The following NAALADL1 variants were observed in gnomAD, a reference collection of about 807,000 sequenced individuals.
NAALADL1 encodes N-acetylated alpha-linked acidic dipeptidase like 1.
In NAALADL1, 77 loss-of-function variants were observed where a neutral mutation model predicts 82.8. The ratio of observed to expected loss-of-function variants is 0.93; its 90% CI spans 0.77 to 1.12. The LOEUF (loss-of-function observed/expected upper bound fraction) is 1.12. Among genes scored for constraint, NAALADL1 ranks in the 50% most tolerant of loss-of-function variants. The pLI, the probability that NAALADL1 is intolerant of heterozygous loss-of-function variation, is 0.00. For synonymous variants in NAALADL1, 358 were observed against 399.2 expected, an observed-to-expected ratio of 0.90 and a Z score of 1.23; for missense variants, 956 against 964.0, an observed-to-expected ratio of 0.99 and a Z score of 0.11.
In NAALADL1 at chr11:65,054,695, T is replaced by A. The variant is rs751812771; in HGVS notation, c.647A>T (p.Tyr216Phe). 1.2e-6 allele frequency: 2 copies of A among 1,614,090 alleles called. No individual in the cohort carries two copies. The highest frequency in any genetic ancestry group is 1.7e-6 in the Non-Finnish European group (2 of 1,180,020). The change falls in exon 5 of 18, where the codon TAC becomes TTC. Residue 216 changes from tyrosine (Y) to phenylalanine (F), a missense_variant. Physicochemically the swap from Tyr to Phe is conservative, Grantham distance 22. Transcript: ENST00000358658. The surrounding 1 kb of genome is among the most constrained non-coding windows in gnomAD (Gnocchi z 4.3). ...AKHGVAGVLV[Y>F]TDPADINDGL... ...ATCGTTGATGTCGGCAGGGTCTGTG[T>A]ACACCAGCACCCCAGCTACCCCGTG...
chr11:65,048,511 T>G (rs974836012), intron 8 of NAALADL1, 126 bp from the exon 9 acceptor site: 2 of 1,036,732 alleles, frequency 1.9e-6, no homozygotes, highest in African/African-American at 3.2e-5. Flanking sequence ...CAGGATGTCC[T>G]GGCACCCTGC....
rs372033630 is a variant in NAALADL1 at position 65,054,284 on chromosome 11, C to T, written c.958G>A (p.Gly320Ser). The change falls in exon 6 of 18, where the codon GGC becomes AGC. Residue 320 changes from glycine to serine, a missense_variant. Physicochemically the swap from Gly to Ser is moderately conservative, Grantham distance 56. Transcript: ENST00000358658. The surrounding 1 kb of genome is among the most constrained non-coding windows in gnomAD (Gnocchi z 4.3). ...GGGAAGTCTCCGTCAGGCCGGAAGCCGGGACCCAACCTGTAGTGGCAGCCC... is the reference window on the plus strand; with the variant it reads ...GGGAAGTCTCCGTCAGGCCGGAAGCTGGGACCCAACCTGTAGTGGCAGCCC... ...ALGCHYRLGP[G>S]FRPDGDFPAD... 21 of 1,613,966 alleles carry T rather than the reference C, an allele frequency of 1.3e-5. No homozygotes were observed. The highest frequency in any genetic ancestry group is 2.7e-5 in the African/African-American group (2 of 74,886).
rs10535126 is a variant in NAALADL1, at chr11:65,051,315, C to CTTTTTTTTTTTT, written c.1198+1891_1198+1902dup. On this transcript the variant is annotated intron_variant, in intron 8 of 17. Transcript: ENST00000358658. ...AAGTCTCTCTCTCCTTTCTTTCTTTCTTTTTTTTTTTTTTTTTTTTTTTTT... is the reference window on the plus strand; with the variant it reads ...AAGTCTCTCTCTCCTTTCTTTCTTTCTTTTTTTTTTTTTTTTTTTTTTTTTTTTTTTTTTTTT... Among the ~76,000 whole-genome samples the CTTTTTTTTTTTT allele has an allele frequency of 7.1e-4, 42 of 59,572 alleles. 4 individuals are homozygous for CTTTTTTTTTTTT. The highest frequency in any genetic ancestry group is 2.3e-3 in the African/African-American group (36 of 15,596). The allele number at this position is 59,572 out of a possible 152,430, so 39.1% of individuals were successfully genotyped here.
chr11:65,053,639 G>A lies in NAALADL1; in HGVS notation c.993-63C>T. On this transcript the variant is annotated intron_variant, in intron 6 of 17. Transcript: ENST00000358658. The surrounding 1 kb of genome is among the most constrained non-coding windows in gnomAD (Gnocchi z 4.3). The stretch of plus-strand genomic sequence containing the variant: ...TGCCCACTGCCCCCGACCCAGTGCA[G>A]GAGACACTGAGGCCCGGAGCTGGAA... 2 of 1,415,284 alleles carry A rather than the reference G, an allele frequency of 1.4e-6. No individual in the cohort carries two copies. The highest frequency in any genetic ancestry group is 2.3e-5 in the East Asian group (1 of 42,884). The allele number at this position is 1,415,284 out of a possible 1,614,324, so 87.7% of individuals were successfully genotyped here. A position where few individuals can be genotyped will look rare whatever the true frequency, so the allele number is the denominator to read the frequency against.
Position 65,045,059 on chromosome 11 carries a change from T to C in NAALADL1, c.*212A>G. 1.6e-6 allele frequency: 1 copy of C among 642,334 alleles called. No homozygotes were observed. The allele number at this position is 642,334 out of a possible 1,614,324, so 39.8% of individuals were successfully genotyped here. ...GTTTTGCCATCCCATCCCTGTCCCC[T>C]GCTGCCCACCCTCTGCCACCTAAGC... On this transcript the variant is annotated 3_prime_UTR_variant, in exon 18 of 18. Transcript: ENST00000358658.
intron 13 of NAALADL1, among the ~76,000 whole-genome samples, chr11:65,046,825 G>A (rs1253564904): frequency 1.3e-5 from 2 of 152,112 alleles, no homozygotes; most frequent in Non-Finnish European, 2.9e-5. Context: ...ACCAAGAATC[G>A]CTGTGGCTGT....
chr11:65,052,848 C>T (rs1946925259), intron 8 of NAALADL1, among the ~76,000 whole-genome samples: 1 of 152,210 alleles, frequency 6.6e-6, no homozygotes, highest in Non-Finnish European at 1.5e-5. Context: ...CTTGTCCCAA[C>T]CTGGCCTGCC....
Position 65,047,678 on chromosome 11 carries a change from G to A in NAALADL1, c.1477C>T (p.Arg493Cys), listed in dbSNP as rs373785662. 6.2e-7 allele frequency: 1 copy of A among 1,607,770 alleles called. No homozygotes were observed. Among genetic ancestry groups the A allele is most frequent in the Non-Finnish European group, 8.5e-7 (1 of 1,178,002 alleles). ...IYDNWIRYFN[R>C]SSPVYGLVPS... ...ACCAGGCCGTACACCGGGCTGCTGC[G>A]GTTGAAGTACCGGATCCAGTTGTCG... Residue 493 changes from arginine to cysteine, a missense_variant, in exon 12 of 18, where the codon CGC (arginine) becomes TGC (cysteine). By Grantham distance (180) the Arg-to-Cys change is radical. Transcript: ENST00000358658.
At chr11:65,052,981 G>C (rs565829958) in intron 8 of NAALADL1, among the ~76,000 whole-genome samples, 1 of 152,244 alleles carries the variant, frequency 6.6e-6, no homozygotes. Context: ...CAGCAGCATC[G>C]GGCCTTGCTC....
rs1433045090 is a variant in NAALADL1, at chr11:65,058,448, TGGCCGAGGATGATCCCCA to T, written c.56_73del (p.Leu19_Gly24del). On this transcript the variant is annotated inframe_deletion, in exon 1 of 18. Transcript: ENST00000358658. ...GTTGGCTTTTTTGGGGATGGCAAAG[TGGCCGAGGATGATCCCCA>T]GCCCCAAGAGGGCAGCAGCCCCCAG... The T allele has an allele frequency of 1.2e-6, 2 of 1,613,908 alleles. No homozygotes were observed. The highest frequency in any genetic ancestry group is 3.3e-5 in the Admixed American group (2 of 59,990).
intron 8 of NAALADL1, among the ~76,000 whole-genome samples, chr11:65,052,084 A>T (rs1946904132): frequency 6.6e-6 from 1 of 152,148 alleles, no homozygotes; most frequent in African/African-American, 2.4e-5. Context: ...TCTTCCTTCT[A>T]GATCTGTCCT....
chr11:65,058,825 C>T (rs924322770), upstream of NAALADL1, among the ~76,000 whole-genome samples: 2 of 152,206 alleles, frequency 1.3e-5, no homozygotes, highest in African/African-American at 4.8e-5. Flanking sequence ...GGCTGGAACT[C>T]AGAGCTCCTG....
chr11:65,046,614 TC>T, intron 13 of NAALADL1, 88 bp from the exon 14 acceptor site: 1 of 1,308,916 alleles, frequency 7.6e-7, no homozygotes, highest in Non-Finnish European at 1.1e-6. Flanking sequence ...GTGGGCATTA[TC>T]TCCACTGAAT....
chr11:65,054,369 G>A lies in NAALADL1; in HGVS notation c.888-15C>T. 1 of 1,613,772 alleles carries A rather than the reference G, an allele frequency of 6.2e-7. No individual in the cohort carries two copies. The highest frequency in any genetic ancestry group is 8.5e-7 in the Non-Finnish European group (1 of 1,179,798). ...CGTTGAGGTTACTGGGGAGGAGGAA[G>A]AGGCCCTTCAGGGTAAATGTGAGTG... On this transcript the variant is annotated splice_polypyrimidine_tract_variant and intron_variant, in intron 5 of 17. Transcript: ENST00000358658. This position sits in a 1 kb window ranked among gnomAD's most constrained non-coding sequence, Gnocchi z 4.3.
chr11:65,060,006 G>A (rs1330203983), upstream of NAALADL1, among the ~76,000 whole-genome samples: 5 of 152,204 alleles, frequency 3.3e-5, no homozygotes, highest in African/African-American at 1.2e-4. Flanking sequence ...AGGGACTTGA[G>A]CTGGGACTTC....
chr11:65,054,108 G>C lies in NAALADL1; in HGVS notation c.992+142C>G. ...CCCCAAAAACAAGACATATTTTGGG[G>C]TCAGGAGAGGGTCTGGGAGAGAGAG... On this transcript the variant is annotated intron_variant, in intron 6 of 17. Coordinates refer to ENST00000358658, the MANE Select transcript of NAALADL1 (RefSeq NM_005468.3). The surrounding 1 kb of genome is among the most constrained non-coding windows in gnomAD (Gnocchi z 4.3). The C allele has an allele frequency of 8.4e-6, 6 of 715,510 alleles. No individual in the cohort carries two copies. The highest frequency in any genetic ancestry group is 1.4e-5 in the Non-Finnish European group (6 of 437,244). 44.3% of individuals were successfully genotyped at this position (715,510 alleles called of 1,614,324 possible).
At chr11:65,055,097 T>A (rs1487672884) in intron 4 of NAALADL1, among the ~76,000 whole-genome samples, 3 of 152,098 alleles carry the variant, frequency 2.0e-5, no homozygotes, top group Admixed American at 6.5e-5. Flanking sequence ...CTAAACCAAA[T>A]GTGGGCTGTA....
In NAALADL1 at chr11:65,056,712, C is replaced by CT. The variant is rs60069296; in HGVS notation, c.603+658dup. Among the ~76,000 whole-genome samples the CT allele has an allele frequency of 4.3e-3, 576 of 133,218 alleles. 2 individuals are homozygous for CT. Among genetic ancestry groups the CT allele is most frequent in the African/African-American group, 9.5e-3 (335 of 35,328 alleles). 87.4% of individuals were successfully genotyped at this position (133,218 alleles called of 152,430 possible). ...GTGAGCCACCACGCCCATGCCCAGCCTTTTTTTTTTTTTTTTTTTTTTTAA... is the reference window on the plus strand; with the variant it reads ...GTGAGCCACCACGCCCATGCCCAGCCTTTTTTTTTTTTTTTTTTTTTTTTAA... On this transcript the variant is annotated intron_variant, in intron 4 of 17. Coordinates refer to ENST00000358658, the MANE Select transcript of NAALADL1 (RefSeq NM_005468.3).
rs1486436743 is a variant in NAALADL1, at chr11:65,045,252, T to C, written c.*19A>G. Reference sequence around the variant, plus strand: ...GAGAGGGTTGGAGTAAAGGGAGGGCTGAAGAAAGAGGGCTGGGGTCAGAGG... The same window carrying C: ...GAGAGGGTTGGAGTAAAGGGAGGGCCGAAGAAAGAGGGCTGGGGTCAGAGG... On this transcript the variant is annotated 3_prime_UTR_variant, in exon 18 of 18. Coordinates refer to ENST00000358658, the MANE Select transcript of NAALADL1 (RefSeq NM_005468.3). 5 of 1,601,154 alleles carry C rather than the reference T, an allele frequency of 3.1e-6. No homozygotes were observed. The South Asian group carries it at 5.6e-5, about 18-fold the overall frequency.
Sources: allele counts gnomAD v4.1 joint callset (sites outside exome capture counted in the v4.1 genomes callset), GRCh38; gene constraint gnomAD v4.1.1; non-coding constraint Gnocchi (gnomAD v3.1); transcripts MANE v1.5; gene names NCBI Gene and HGNC (gene_info 2026-07-23, HGNC 2026-07-21).